Variants in CTNNA1 observed in about 807,000 individuals in gnomAD.
The protein encoded by CTNNA1 is catenin alpha-1.
Under a neutral mutation model 98.4 loss-of-function variants are expected in CTNNA1, and 37 were observed. The ratio of observed to expected loss-of-function variants is 0.38; its 90% CI spans 0.29 to 0.49. CTNNA1 has a LOEUF of 0.49. Ranked by LOEUF, CTNNA1 falls within the 20% of genes least tolerant of loss-of-function variation. The probability of loss-of-function intolerance (pLI) is 0.95; values close to 1 mark genes in which losing one functional copy is unlikely to be tolerated. For missense variants in CTNNA1, 761 were observed against 1,147.2 expected (o/e 0.66, Z 4.86); for synonymous variants, 404 against 413.2 (o/e 0.98, Z 0.27).
At chr5:138,903,663 C>T (rs28363457) in intron 9 of CTNNA1, among the ~76,000 whole-genome samples, 2,763 of 152,250 alleles carry the variant, frequency 0.018, 37 homozygotes, top group African/African-American at 0.044. Flanking sequence ...GTAAAGATTT[C>T]GGTTCAAATT....
chr5:138,776,466 A>G (rs1334835041), intron 1 of CTNNA1, among the ~76,000 whole-genome samples: 1 of 152,174 alleles, frequency 6.6e-6, no homozygotes, highest in Non-Finnish European at 1.5e-5. Flanking sequence ...CACGGCAACC[A>G]TCCGATTTAT....
chr5:138,810,946 G>A (rs1328504303), intron 4 of CTNNA1, among the ~76,000 whole-genome samples: 7 of 119,534 alleles, frequency 5.9e-5, no homozygotes, highest in African/African-American at 1.4e-4. Context: ...CCTCCCGGAC[G>A]GGGCAGCTGG....
chr5:138,785,913 A>C (rs1298814865), intron 3 of CTNNA1, among the ~76,000 whole-genome samples: 1 of 152,206 alleles, frequency 6.6e-6, no homozygotes, highest in African/African-American at 2.4e-5. Flanking sequence ...TTTAAAATGC[A>C]TTTAATTGTT....
chr5:138,884,534 T>G (rs908327197), intron 7 of CTNNA1, among the ~76,000 whole-genome samples: 2 of 152,190 alleles, frequency 1.3e-5, no homozygotes, highest in Non-Finnish European at 2.9e-5. Context: ...GATAAATACA[T>G]TTTGGGGTAA....
At chr5:138,788,956 G>C (rs781258509) in intron 3 of CTNNA1, among the ~76,000 whole-genome samples, 56 of 152,180 alleles carry the variant, frequency 3.7e-4, no homozygotes, top group Non-Finnish European at 6.8e-4. Flanking sequence ...TCAGTGAAGG[G>C]GGAGAAGACC....
chr5:138,805,527 A>G (rs1019435893), intron 3 of CTNNA1, among the ~76,000 whole-genome samples: 2 of 152,014 alleles, frequency 1.3e-5, no homozygotes, highest in African/African-American at 4.8e-5. Flanking sequence ...GCATCTTTTC[A>G]TGTGCTTGTT....
At chr5:138,808,216 C>G (rs528313263) in intron 3 of CTNNA1, among the ~76,000 whole-genome samples, 4 of 152,234 alleles carry the variant, frequency 2.6e-5, no homozygotes, top group Middle Eastern at 6.8e-3. Flanking sequence ...TTTGTGAACC[C>G]TTTGAGACCA....
At chr5:138,903,775 C>G (rs946789832) in intron 9 of CTNNA1, among the ~76,000 whole-genome samples, 1 of 152,140 alleles carries the variant, frequency 6.6e-6, no homozygotes, top group Non-Finnish European at 1.5e-5. Flanking sequence ...GTTTCCTTTT[C>G]CACTTTTGAT....
chr5:138,878,116 A>G (rs1448561165), intron 7 of CTNNA1, among the ~76,000 whole-genome samples: 1 of 152,220 alleles, frequency 6.6e-6, no homozygotes, highest in Non-Finnish European at 1.5e-5. Context: ...CATCAGTGCA[A>G]TCAAGAGTAA....
At chr5:138,896,634 G>A (rs1429618846) in intron 9 of CTNNA1, among the ~76,000 whole-genome samples, 2 of 152,140 alleles carry the variant, frequency 1.3e-5, no homozygotes, top group African/African-American at 4.8e-5. Flanking sequence ...GGGCTGGATG[G>A]CTCTTCCCTT....
chr5:138,897,545 TG>T (rs1252506784), intron 9 of CTNNA1, among the ~76,000 whole-genome samples: 2 of 152,154 alleles, frequency 1.3e-5, no homozygotes, highest in African/African-American at 4.8e-5. Context: ...TTCTCAGTAC[TG>T]TAGGCTGATA....
chr5:138,784,123 C>T (rs941054368), intron 3 of CTNNA1, among the ~76,000 whole-genome samples: 2 of 152,194 alleles, frequency 1.3e-5, no homozygotes, highest in Non-Finnish European at 2.9e-5. Flanking sequence ...AGGCTGGTCT[C>T]AAACTCCCAA....
At chr5:138,921,437 C>A (rs1010724244) in intron 11 of CTNNA1, among the ~76,000 whole-genome samples, 1 of 152,124 alleles carries the variant, frequency 6.6e-6, no homozygotes, top group African/African-American at 2.4e-5. Flanking sequence ...TACTTTCCTT[C>A]ATTAAGTGTC....
chr5:138,835,450 T>C (rs1204021033), intron 7 of CTNNA1, among the ~76,000 whole-genome samples: 1 of 152,188 alleles, frequency 6.6e-6, no homozygotes, highest in Non-Finnish European at 1.5e-5. Flanking sequence ...AAATTAGTAG[T>C]CCATAGTTCT....
intron 11 of CTNNA1, among the ~76,000 whole-genome samples, chr5:138,922,852 T>C (rs1440996122): frequency 2.0e-5 from 3 of 148,258 alleles, no homozygotes; most frequent in Non-Finnish European, 4.5e-5. Context: ...AATATTACTC[T>C]AAAAAATGGC....
chr5:138,753,642 G>T, intron 1 of CTNNA1, 132 bp downstream of exon 1: 1 of 347,746 alleles, frequency 2.9e-6, no homozygotes, highest in African/African-American at 2.1e-5. Flanking sequence ...TTTCTTTGGC[G>T]ACGTCGCCGG....
chr5:138,763,628 C>T (rs2149585048), intron 1 of CTNNA1, among the ~76,000 whole-genome samples: 1 of 152,306 alleles, frequency 6.6e-6, no homozygotes, highest in South Asian at 2.1e-4. Flanking sequence ...CAGGCATGTG[C>T]CACTGTGCCT....
At chr5:138,875,118 T>G (rs1446932789) in intron 7 of CTNNA1, 1 of 519,080 alleles carries the variant, frequency 1.9e-6, no homozygotes, top group Non-Finnish European at 3.4e-6. Context: ...TTTCTGTGAT[T>G]GCTCTGATCC....
intron 3 of CTNNA1, among the ~76,000 whole-genome samples, chr5:138,797,748 C>A (rs1182080319): frequency 6.6e-6 from 1 of 151,944 alleles, no homozygotes; most frequent in Non-Finnish European, 1.5e-5. Flanking sequence ...TTGTAGTATA[C>A]TGTAGAATTT....
Sources: gnomAD v4.1 joint callset for allele counts (sites outside exome capture counted in the v4.1 genomes callset) on GRCh38, gnomAD v4.1.1 for gene constraint, MANE v1.5 for transcripts, NCBI Gene and HGNC (gene_info 2026-07-23, HGNC 2026-07-21) for gene names.